PTPRR: variants seen among roughly 807,000 people sequenced by gnomAD.
PTPRR encodes the protein protein tyrosine phosphatase receptor type R, also known as receptor-type tyrosine-protein phosphatase R.
PTPRR carries 38 observed loss-of-function variants against 77.2 expected under a neutral mutation model. The observed-to-expected ratio is 0.49, with a 90% CI of 0.38 to 0.65. The LOEUF is 0.65. Among genes scored for constraint, PTPRR ranks in the 30% least tolerant of loss-of-function variants. The pLI, the probability that PTPRR is intolerant of heterozygous loss-of-function variation, is 0.00. For missense variants in PTPRR, 744 were observed against 799.2 expected (o/e 0.93, Z 0.83); for synonymous variants, 299 against 283.1 (o/e 1.06, Z -0.57).
intron 6 of PTPRR, among the ~76,000 whole-genome samples, chr12:70,723,350 C>T (rs1472175758): frequency 2.0e-5 from 3 of 150,616 alleles, no homozygotes; most frequent in African/African-American, 7.3e-5. Flanking sequence ...TTTTTTTTTT[C>T]CCCTTTTAAG....
At chr12:70,886,462 G>A (rs894410253) in intron 2 of PTPRR, among the ~76,000 whole-genome samples, 10 of 152,076 alleles carry the variant, frequency 6.6e-5, no homozygotes, top group Admixed American at 4.6e-4. Flanking sequence ...AAATCTAACT[G>A]AAAGCTGTAT....
chr12:70,685,361 C>T (rs1029129328), intron 8 of PTPRR, among the ~76,000 whole-genome samples: 4 of 149,138 alleles, frequency 2.7e-5, no homozygotes, highest in South Asian at 2.1e-4. Flanking sequence ...TGATTCATTT[C>T]GAGGCTGGGC....
At chr12:70,728,549 A>C (rs1402801676) in intron 6 of PTPRR, among the ~76,000 whole-genome samples, 2 of 140,724 alleles carry the variant, frequency 1.4e-5, no homozygotes, top group African/African-American at 5.3e-5. Context: ...ATATATATAT[A>C]TATATATATA....
At chr12:70,810,780 C>A (rs1891794680) in intron 2 of PTPRR, among the ~76,000 whole-genome samples, 1 of 152,088 alleles carries the variant, frequency 6.6e-6, no homozygotes, top group Non-Finnish European at 1.5e-5. Context: ...TTCTCCTTAA[C>A]AAAATAGCAT....
chr12:70,768,578 G>T lies in PTPRR; in HGVS notation c.358-3800C>A, dbSNP rs553647523. 4.1e-4 allele frequency among the ~76,000 whole-genome samples: 63 copies of T among 152,228 alleles called. No homozygotes were observed. The South Asian group carries it at 0.012, about 30-fold the overall frequency. On this transcript the variant is annotated intron_variant, in intron 2 of 13. Transcript: ENST00000283228. ...GATTCATAGCTGAATTCTAACAGAG[G>T]TACAAGGAGGAACTGGTACCATTCC...
intron 2 of PTPRR, among the ~76,000 whole-genome samples, chr12:70,873,420 T>C (rs1020087568): frequency 3.9e-5 from 6 of 152,170 alleles, no homozygotes; most frequent in African/African-American, 1.2e-4. Context: ...CCAGAATTCT[T>C]AAAATCCTTT....
At chr12:70,878,152 C>A (rs936881248) in intron 2 of PTPRR, among the ~76,000 whole-genome samples, 3 of 152,036 alleles carry the variant, frequency 2.0e-5, no homozygotes, top group African/African-American at 4.8e-5. Flanking sequence ...AAACCCTAGA[C>A]GAAAACCTAG....
At chr12:70,800,126 G>A (rs907890790) in intron 2 of PTPRR, among the ~76,000 whole-genome samples, 3 of 152,052 alleles carry the variant, frequency 2.0e-5, no homozygotes, top group African/African-American at 4.8e-5. Context: ...TGGCTATTTC[G>A]CTAAAATAAA....
intron 6 of PTPRR, among the ~76,000 whole-genome samples, chr12:70,714,861 T>C (rs1888961834): frequency 1.3e-5 from 2 of 152,046 alleles, no homozygotes; most frequent in Admixed American, 1.3e-4. Context: ...GGTGTGTTCC[T>C]GTAGTTCCAG....
At chr12:70,861,163 CAG>C (rs1565721402) in intron 2 of PTPRR, among the ~76,000 whole-genome samples, 1 of 152,096 alleles carries the variant, frequency 6.6e-6, no homozygotes, top group African/African-American at 2.4e-5. Context: ...TATAAACTAA[CAG>C]TGTTCAAGAA....
intron 2 of PTPRR, among the ~76,000 whole-genome samples, chr12:70,875,504 T>C (rs1005503916): frequency 2.0e-5 from 3 of 152,088 alleles, no homozygotes; most frequent in South Asian, 2.1e-4. Context: ...CAAAAATGGC[T>C]GCAACAAAAA....
chr12:70,838,745 G>A (rs902724626), intron 2 of PTPRR, among the ~76,000 whole-genome samples: 3 of 152,140 alleles, frequency 2.0e-5, no homozygotes, highest in Non-Finnish European at 4.4e-5. Context: ...GACAGTAAAT[G>A]GGCACCTAGA....
chr12:70,807,752 C>T (rs1891736210), intron 2 of PTPRR, among the ~76,000 whole-genome samples: 2 of 152,174 alleles, frequency 1.3e-5, no homozygotes, highest in South Asian at 4.1e-4. Flanking sequence ...CCAATCAATA[C>T]TCTTGTGATT....
chr12:70,655,334 T>G (rs1014394067), intron 13 of PTPRR, among the ~76,000 whole-genome samples: 1 of 152,232 alleles, frequency 6.6e-6, no homozygotes. Context: ...AATACTATGA[T>G]GGTTTTCTCA....
intron 12 of PTPRR, among the ~76,000 whole-genome samples, chr12:70,659,060 G>A (rs1033566948): frequency 6.6e-6 from 1 of 151,636 alleles, no homozygotes; most frequent in East Asian, 1.9e-4. Context: ...ATTCCACCAC[G>A]CCTGGCTAAT....
intron 2 of PTPRR, among the ~76,000 whole-genome samples, chr12:70,845,545 A>C (rs1892470272): frequency 6.6e-6 from 1 of 152,074 alleles, no homozygotes; most frequent in Admixed American, 6.5e-5. Flanking sequence ...TCCAGAATTA[A>C]TCCTATCTCT....
At chr12:70,750,612 G>A (rs1160565527) in intron 5 of PTPRR, among the ~76,000 whole-genome samples, 5 of 152,206 alleles carry the variant, frequency 3.3e-5, no homozygotes. Flanking sequence ...CTCCTCTGTG[G>A]TAAGTTCCAT....
At chr12:70,784,230 G>T (rs1168500039) in intron 2 of PTPRR, among the ~76,000 whole-genome samples, 1 of 152,200 alleles carries the variant, frequency 6.6e-6, no homozygotes, top group Non-Finnish European at 1.5e-5. Context: ...TACCCAGGTT[G>T]CAGTGGTGGC....
chr12:70,694,309 T>C (rs771691776), intron 8 of PTPRR, among the ~76,000 whole-genome samples: 1 of 152,230 alleles, frequency 6.6e-6, no homozygotes, highest in Non-Finnish European at 1.5e-5. Flanking sequence ...TATTATCTTA[T>C]ATTTGTATCA....
Sources: gnomAD v4.1 joint callset for allele counts (sites outside exome capture counted in the v4.1 genomes callset) on GRCh38, gnomAD v4.1.1 for gene constraint, MANE v1.5 for transcripts, NCBI Gene and HGNC (gene_info 2026-07-23, HGNC 2026-07-21) for gene names.